Variants in DPP9 observed in about 807,000 individuals in gnomAD.
DPP9 encodes dipeptidyl peptidase IV-related protein-2.
A neutral mutation model predicts 110.7 loss-of-function variants in DPP9; 50 were observed. The ratio of observed to expected loss-of-function variants is 0.45; its 90% CI spans 0.36 to 0.57. The LOEUF (loss-of-function observed/expected upper bound fraction) is 0.57. Among genes scored for constraint, DPP9 ranks in the 20% least tolerant of loss-of-function variants. The pLI is 0.00. For missense variants in DPP9, 1,022 were observed against 1,217.9 expected (o/e 0.84, Z 2.39); for synonymous variants, 561 against 514.4 (o/e 1.09, Z -1.23).
chr19:4,704,257 C>T lies in DPP9; in HGVS notation c.474G>A (p.Arg158=). 3 of 1,613,864 alleles carry T rather than the reference C, an allele frequency of 1.9e-6. No homozygotes were observed. The highest frequency in any genetic ancestry group is 2.5e-6 in the Non-Finnish European group (3 of 1,179,896). The change falls in exon 6 of 22, where the codon AGG becomes AGA. Residue 158 remains arginine (R), a synonymous_variant. Transcript: ENST00000262960. The surrounding 1 kb of genome is among the most constrained non-coding windows in gnomAD (Gnocchi z 6.0). ...GVYSREEELL[R]ERKRLGVFGI... ...CGAAGACCCCCAGGCGTTTCCGCTCCCTCAGCAGCTCCTCCTCCCGAGAGT... is the reference window on the plus strand; with the variant it reads ...CGAAGACCCCCAGGCGTTTCCGCTCTCTCAGCAGCTCCTCCTCCCGAGAGT...
In DPP9 at chr19:4,684,541, C is replaced by G. The variant is rs549767339; in HGVS notation, c.2178+122G>C. The G allele has an allele frequency of 1.7e-6, 2 of 1,191,686 alleles. No individual in the cohort carries two copies. The highest frequency in any genetic ancestry group is 2.5e-5 in the East Asian group (1 of 40,016). 73.8% of individuals were successfully genotyped at this position (1,191,686 alleles called of 1,614,324 possible). A position where few individuals can be genotyped will look rare whatever the true frequency, so the allele number is the denominator to read the frequency against. On this transcript the variant is annotated intron_variant, in intron 18 of 21. Coordinates refer to ENST00000262960, the MANE Select transcript of DPP9 (RefSeq NM_139159.5). This position sits in a 1 kb window ranked among gnomAD's most constrained non-coding sequence, Gnocchi z 4.8. ...GGCGCCTCATTGAGCCTGCGTCACC[C>G]CAGCCAGAAGTGCCCTTCTGCGGGT...
At chr19:4,688,177 C>A (rs1403128451) in intron 16 of DPP9, 3 of 152,292 alleles carry the variant, frequency 2.0e-5, no homozygotes, top group African/African-American at 7.2e-5. Flanking sequence ...GGTACAATCA[C>A]ACTTCACTGC....
At chr19:4,686,067 A>G (rs1351199156) in intron 16 of DPP9, 1 of 249,218 alleles carries the variant, frequency 4.0e-6, no homozygotes, top group East Asian at 8.3e-5. Context: ...TTTGCAAAGC[A>G]ACAGTTGTTG....
In DPP9 at chr19:4,682,941, G is replaced by T; in HGVS notation, c.2332-103C>A. ...CTGTCCCGGGGCCGCCCTGGAGCCCGTGAGGAGCGCTCATGCACATGGGGC... is the reference window on the plus strand; with the variant it reads ...CTGTCCCGGGGCCGCCCTGGAGCCCTTGAGGAGCGCTCATGCACATGGGGC... On this transcript the variant is annotated intron_variant, in intron 19 of 21. Coordinates refer to ENST00000262960, the MANE Select transcript of DPP9 (RefSeq NM_139159.5). The surrounding 1 kb of genome is among the most constrained non-coding windows in gnomAD (Gnocchi z 7.1). The T allele has an allele frequency of 6.5e-7, 1 of 1,535,176 alleles. No individual in the cohort carries two copies. The highest frequency in any genetic ancestry group is 8.7e-7 in the Non-Finnish European group (1 of 1,146,276).
intron 21 of DPP9, 138 bp downstream of exon 21, chr19:4,679,697 G>C: frequency 1.5e-6 from 1 of 668,360 alleles, no homozygotes; most frequent in Non-Finnish European, 2.6e-6. Context: ...ACACAGGGCT[G>C]TGGGGTGGGG....
At chr19:4,722,721 G>A in intron 1 of DPP9, 170 bp from the exon 2 acceptor site, 1 of 590,718 alleles carries the variant, frequency 1.7e-6, no homozygotes, top group East Asian at 2.9e-5. Flanking sequence ...GACAGAATCT[G>A]GGAGAGAAGC....
Position 4,702,178 on chromosome 19 carries a change from C to T in DPP9, c.884-23G>A, listed in dbSNP as rs778356216. On this transcript the variant is annotated intron_variant, in intron 8 of 21. Coordinates refer to ENST00000262960, the MANE Select transcript of DPP9 (RefSeq NM_139159.5). ...AACCTTGGGTGGGGTGGTGGAAAAA[C>T]TGCTGAGGGTGCCAGAGGCAGAGTC... is the stretch of plus-strand genomic sequence containing the variant. The T allele has an allele frequency of 4.4e-6, 7 of 1,597,610 alleles. No individual in the cohort carries two copies. The Admixed American group carries it at 1.2e-4, about 27-fold the overall frequency.
chr19:4,723,377 G>C (rs968860698), intron 1 of DPP9, among the ~76,000 whole-genome samples: 1 of 152,222 alleles, frequency 6.6e-6, no homozygotes, highest in Non-Finnish European at 1.5e-5. Context: ...GAAGGGGTCA[G>C]AGCCTGGTGG....
chr19:4,690,734 C>A (rs1276831361), intron 14 of DPP9, 144 bp downstream of exon 14: 7 of 706,290 alleles, frequency 9.9e-6, no homozygotes, highest in Non-Finnish European at 1.5e-5. Context: ...AGGGTCCTCA[C>A]AGGTGTGTGT....
At chr19:4,703,117 G>A (rs1224565767) in intron 7 of DPP9, among the ~76,000 whole-genome samples, 1 of 152,062 alleles carries the variant, frequency 6.6e-6, no homozygotes. Context: ...CGGAGAGGCA[G>A]CGATCAGTGA....
intron 13 of DPP9, among the ~76,000 whole-genome samples, chr19:4,691,693 T>TTTC (rs2091337801): frequency 6.7e-6 from 1 of 148,546 alleles, no homozygotes; most frequent in Non-Finnish European, 1.5e-5. Flanking sequence ...TTTTTTTTTT[T>TTTC]GAAGACGGAG....
intron 7 of DPP9, among the ~76,000 whole-genome samples, chr19:4,703,251 A>G (rs112310125): frequency 2.5e-4 from 38 of 152,098 alleles, no homozygotes; most frequent in African/African-American, 8.9e-4. Context: ...GTGGAGGGGA[A>G]GGTGTGCAGG....
chr19:4,720,492 T>C (rs1246209071), intron 2 of DPP9, among the ~76,000 whole-genome samples: 1 of 152,210 alleles, frequency 6.6e-6, no homozygotes, highest in South Asian at 2.1e-4. Context: ...AGGTCTTTCC[T>C]GAGCACCCCA....
Position 4,685,817 on chromosome 19 carries a change from C to T in DPP9, c.1886-46G>A, listed in dbSNP as rs2090619790. On this transcript the variant is annotated intron_variant, in intron 16 of 21. Coordinates refer to ENST00000262960, the MANE Select transcript of DPP9 (RefSeq NM_139159.5). The surrounding 1 kb of genome is among the most constrained non-coding windows in gnomAD (Gnocchi z 5.8). The stretch of plus-strand genomic sequence containing the variant: ...ATCTGGCTGCCCGGGGAAGCCACAT[C>T]CAGCTGACACCCTTGTTCTCCTGCC... 1.9e-6 allele frequency: 3 copies of T among 1,597,850 alleles called. No homozygotes were observed. The highest frequency in any genetic ancestry group is 8.5e-7 in the Non-Finnish European group (1 of 1,173,256).
Position 4,723,374 on chromosome 19 carries a change from T to A in DPP9, c.-89+300A>T, listed in dbSNP as rs569529789. Among the ~76,000 whole-genome samples the A allele has an allele frequency of 4.0e-5, 6 of 151,866 alleles. No homozygotes were observed. The East Asian group carries it at 1.2e-3, about 29-fold the overall frequency. On this transcript the variant is annotated intron_variant, in intron 1 of 21. Coordinates refer to ENST00000262960, the MANE Select transcript of DPP9 (RefSeq NM_139159.5). ...TGGGTGCGGCCACCTCCGGAAGGGGTCAGAGCCTGGTGGCCTGGGCAGCAA... is the reference window on the plus strand; with the variant it reads ...TGGGTGCGGCCACCTCCGGAAGGGGACAGAGCCTGGTGGCCTGGGCAGCAA...
At chr19:4,716,887 G>A (rs1036252310) in intron 3 of DPP9, among the ~76,000 whole-genome samples, 1 of 152,162 alleles carries the variant, frequency 6.6e-6, no homozygotes, top group Admixed American at 6.5e-5. Context: ...GTCACAGAGT[G>A]CAGCCCAGAG....
intron 7 of DPP9, 125 bp downstream of exon 7, chr19:4,703,761 G>T: frequency 2.1e-6 from 2 of 960,768 alleles, no homozygotes; most frequent in East Asian, 2.6e-5. Context: ...GCTACAGAAG[G>T]TATGCACGGG....
rs779379144 is a variant in DPP9 at position 4,703,870 on chromosome 19, G to A, written c.769+16C>T. On this transcript the variant is annotated intron_variant, in intron 7 of 21. Transcript: ENST00000262960. ...AGGTGGCTATGGTGGCCGTGCACAG[G>A]AGGGGCTGGCCCCACCTTGGTGGCA... The A allele has an allele frequency of 1.6e-5, 26 of 1,591,624 alleles. No individual in the cohort carries two copies. In the Admixed American group the frequency reaches 4.6e-4, roughly 28 times the overall value.
At chr19:4,686,695 A>G (rs932614046) in intron 16 of DPP9, among the ~76,000 whole-genome samples, 24 of 152,158 alleles carry the variant, frequency 1.6e-4, no homozygotes, top group Non-Finnish European at 3.1e-4. Context: ...GAGGCACTGC[A>G]CCTGGCCCAA....
Sources: gnomAD v4.1 joint callset for allele counts (sites outside exome capture counted in the v4.1 genomes callset) on GRCh38, gnomAD v4.1.1 for gene constraint, Gnocchi (gnomAD v3.1) non-coding constraint, MANE v1.5 for transcripts, NCBI Gene and HGNC (gene_info 2026-07-23, HGNC 2026-07-21) for gene names.